The following NUP54 variants were observed in gnomAD, a reference collection of about 807,000 sequenced individuals.
NUP54 encodes the protein nucleoporin p54.
NUP54 carries 27 observed loss-of-function variants against 66.4 expected under a neutral mutation model. The ratio of observed to expected loss-of-function variants is 0.41; its 90% CI spans 0.30 to 0.56. NUP54 has a LOEUF of 0.56. Ranked by LOEUF, NUP54 falls within the 20% of genes least tolerant of loss-of-function variation. The pLI, the probability that NUP54 is intolerant of heterozygous loss-of-function variation, is 0.34. For synonymous variants in NUP54, 206 were observed against 210.7 expected (o/e 0.98, Z 0.19); for missense variants, 486 against 596.3 (o/e 0.82, Z 1.93).
chr4:76,135,064 T>C (rs767240324), intron 4 of NUP54, among the ~76,000 whole-genome samples: 4 of 152,156 alleles, frequency 2.6e-5, no homozygotes, highest in Non-Finnish European at 4.4e-5. Flanking sequence ...ATCTGATTCA[T>C]GGAATCTTAA....
chr4:76,135,970 A>G (rs904258818), intron 4 of NUP54, among the ~76,000 whole-genome samples: 2 of 152,182 alleles, frequency 1.3e-5, no homozygotes, highest in African/African-American at 4.8e-5. Context: ...ATCACATTCC[A>G]GTCACACCTT....
At chr4:76,142,947 A>G (rs934487451) in intron 3 of NUP54, among the ~76,000 whole-genome samples, 5 of 152,200 alleles carry the variant, frequency 3.3e-5, no homozygotes, top group Admixed American at 6.5e-5. Context: ...AACCAAACAG[A>G]TGAAGTCAAG....
chr4:76,115,523 A>G lies in NUP54; in HGVS notation c.1396-29T>C, dbSNP rs765713124. 7.1e-6 allele frequency: 11 copies of G among 1,556,256 alleles called. 1 individual carries two copies. The highest frequency in any genetic ancestry group is 9.5e-6 in the Non-Finnish European group (11 of 1,154,628). ...GAACAAATTAAGAAACAACATATTAATGTATTAATTTCTTAAAACTGCAAG... is the reference window on the plus strand; with the variant it reads ...GAACAAATTAAGAAACAACATATTAGTGTATTAATTTCTTAAAACTGCAAG... On this transcript the variant is annotated intron_variant, in intron 11 of 11. Transcript: ENST00000264883.
chr4:76,131,461 C>A (rs993813453), intron 6 of NUP54, among the ~76,000 whole-genome samples, 177 bp from the exon 7 acceptor site: 9 of 151,572 alleles, frequency 5.9e-5, no homozygotes, highest in Non-Finnish European at 1.2e-4. Context: ...TCAAAAAAAG[C>A]ACAGATTGAA....
intron 5 of NUP54, 51 bp from the exon 6 acceptor site, chr4:76,132,770 GACA>G: frequency 7.2e-7 from 1 of 1,380,588 alleles, no homozygotes; most frequent in South Asian, 1.3e-5. Context: ...AACTCATAGC[GACA>G]AACCTCAGCA....
At chr4:76,143,690 T>A (rs11725016) in intron 3 of NUP54, among the ~76,000 whole-genome samples, 2 of 152,142 alleles carry the variant, frequency 1.3e-5, no homozygotes, top group South Asian at 2.1e-4. Context: ...GTTTACATAC[T>A]TGAATGACAA....
At chr4:76,147,917 C>T in intron 1 of NUP54, 2 of 272,472 alleles carry the variant, frequency 7.3e-6, no homozygotes, top group Non-Finnish European at 1.4e-5. Context: ...CTATCCTCGC[C>T]GAGTCCGGCA....
At chr4:76,135,220 GTTT>G (rs564591069) in intron 4 of NUP54, among the ~76,000 whole-genome samples, 1 of 151,946 alleles carries the variant, frequency 6.6e-6, no homozygotes, top group African/African-American at 2.4e-5. Context: ...CAGGGTTGTT[GTTT>G]TTTTACATAT....
intron 9 of NUP54, among the ~76,000 whole-genome samples, chr4:76,123,632 C>T (rs1201694879): frequency 6.6e-6 from 1 of 152,142 alleles, no homozygotes; most frequent in Admixed American, 6.5e-5. Flanking sequence ...CGTGCCTCAG[C>T]CTCCCAAGTA....
In NUP54 at chr4:76,126,142, GAT is replaced by G. The variant is rs374679676; in HGVS notation, c.1057-1388_1057-1387del. 2.9e-4 allele frequency among the ~76,000 whole-genome samples: 44 copies of G among 152,202 alleles called. No individual in the cohort carries two copies. In the East Asian group the frequency reaches 6.8e-3, roughly 23 times the overall value. On this transcript the variant is annotated intron_variant, in intron 8 of 11. Coordinates refer to ENST00000264883, the MANE Select transcript of NUP54 (RefSeq NM_017426.4). Reference sequence around the variant, plus strand: ...AATCAGAGTGCAGAGGAAAAGGAATGATATTAATTATGCAGCAGGATACATTT... The same window carrying G: ...AATCAGAGTGCAGAGGAAAAGGAATGATTAATTATGCAGCAGGATACATTT...
chr4:76,142,586 G>C (rs1480708623), intron 3 of NUP54, among the ~76,000 whole-genome samples: 1 of 152,062 alleles, frequency 6.6e-6, no homozygotes, highest in East Asian at 1.9e-4. Context: ...CCATAAAATG[G>C]GGATAACAAA....
chr4:76,116,211 C>T (rs576036503), intron 11 of NUP54, among the ~76,000 whole-genome samples: 1 of 152,130 alleles, frequency 6.6e-6, no homozygotes, highest in Admixed American at 6.5e-5. Context: ...TTTCAATATA[C>T]TGGAACCTGT....
chr4:76,125,527 T>C (rs926456359), intron 8 of NUP54, among the ~76,000 whole-genome samples: 1 of 143,644 alleles, frequency 7.0e-6, no homozygotes. Context: ...CCCAGCTCCT[T>C]AGGAGGCTGA....
At chr4:76,134,938 C>T (rs1247681048) in intron 4 of NUP54, among the ~76,000 whole-genome samples, 3 of 151,968 alleles carry the variant, frequency 2.0e-5, no homozygotes, top group Admixed American at 6.6e-5. Context: ...GTAGGCTAGG[C>T]TAGGCTATGA....
intron 8 of NUP54, among the ~76,000 whole-genome samples, chr4:76,125,052 G>C (rs543823883): frequency 1.8e-4 from 28 of 152,096 alleles, no homozygotes; most frequent in Non-Finnish European, 3.1e-4. Flanking sequence ...CACTTTGGGA[G>C]GACGAGGCAG....
At chr4:76,140,058 T>C (rs1731200206) in intron 3 of NUP54, among the ~76,000 whole-genome samples, 1 of 152,112 alleles carries the variant, frequency 6.6e-6, no homozygotes, top group Non-Finnish European at 1.5e-5. Context: ...GTTATTACTG[T>C]TTCAAGAAAA....
rs775109047 is a variant in NUP54 at position 76,129,966 on chromosome 4, G to GTTTTTTTTT, written c.1056+681_1056+689dup. Among the ~76,000 whole-genome samples, 25 of 56,862 alleles carry GTTTTTTTTT rather than the reference G, an allele frequency of 4.4e-4. 5 individuals carry two copies. Among genetic ancestry groups the GTTTTTTTTT allele is most frequent in the Admixed American group, 9.9e-4 (3 of 3,020 alleles). The allele number at this position is 56,862 out of a possible 152,430, so 37.3% of individuals were successfully genotyped here. A position where few individuals can be genotyped will look rare whatever the true frequency, so the allele number is the denominator to read the frequency against. On this transcript the variant is annotated intron_variant, in intron 8 of 11. Transcript: ENST00000264883. ...AATCTTTAAGTATTTAATTATGAAA[G>GTTTTTTTTT]TTTTTTTTTTTTTTTTTTTTTTTTT... is the stretch of plus-strand genomic sequence containing the variant.
intron 8 of NUP54, among the ~76,000 whole-genome samples, chr4:76,125,362 A>C (rs1417313587): frequency 7.0e-6 from 1 of 142,806 alleles, no homozygotes; most frequent in Non-Finnish European, 1.6e-5. Flanking sequence ...GGCTGGGCAC[A>C]GTGGGTCACT....
At chr4:76,118,828 C>A (rs1730088539) in intron 9 of NUP54, among the ~76,000 whole-genome samples, 1 of 151,874 alleles carries the variant, frequency 6.6e-6, no homozygotes, top group Admixed American at 6.6e-5. Context: ...CATGATGAAA[C>A]CCCGTCTCTA....
Sources: gnomAD v4.1 joint callset for allele counts (sites outside exome capture counted in the v4.1 genomes callset) on GRCh38, gnomAD v4.1.1 for gene constraint, MANE v1.5 for transcripts, NCBI Gene and HGNC (gene_info 2026-07-23, HGNC 2026-07-21) for gene names.